Variants in NTAQ1 observed in about 807,000 individuals in gnomAD.
NTAQ1 encodes the protein N-terminal glutamine amidase 1.
Under a neutral mutation model 28.2 loss-of-function variants are expected in NTAQ1, and 21 were observed. The observed-to-expected ratio is 0.74, with a 90% confidence interval of 0.53 to 1.07. The LOEUF (loss-of-function observed/expected upper bound fraction) is 1.07. Ranked by LOEUF, NTAQ1 falls within the 50% of genes least tolerant of loss-of-function variation. The pLI is 0.00. For missense variants in NTAQ1, 264 were observed against 256.6 expected, an observed-to-expected ratio of 1.03 and a Z score of -0.20; for synonymous variants, 105 against 90.0, an observed-to-expected ratio of 1.17 and a Z score of -0.94.
chr8:123,440,040 T>C (rs777774405), intron 5 of NTAQ1, among the ~76,000 whole-genome samples: 1 of 142,940 alleles, frequency 7.0e-6, no homozygotes, highest in Non-Finnish European at 1.5e-5. Flanking sequence ...GAATTGACTC[T>C]TTTTTTTTTT....
intron 4 of NTAQ1, 63 bp downstream of exon 4, chr8:123,436,664 G>A (rs1814734517): frequency 3.3e-6 from 5 of 1,517,234 alleles, no homozygotes; most frequent in South Asian, 1.2e-5. Flanking sequence ...TTCCACAGAG[G>A]TTCTTTTTTT....
upstream of NTAQ1, chr8:123,416,754 G>T: frequency 2.6e-6 from 3 of 1,136,686 alleles, no homozygotes; most frequent in Non-Finnish European, 3.4e-6. Flanking sequence ...CCCACCCCAC[G>T]CCGGGAACCC....
At chr8:123,470,061 TATAAG>T (rs533514358), downstream of NTAQ1, among the ~76,000 whole-genome samples, 284 of 152,290 alleles carry the variant, frequency 1.9e-3, no homozygotes, top group Middle Eastern at 0.01. Flanking sequence ...TTAGTGGCCT[TATAAG>T]AAAAGAGACA....
At chr8:123,461,468 G>A (rs56115182) in intron 6 of NTAQ1, among the ~76,000 whole-genome samples, 6 of 152,122 alleles carry the variant, frequency 3.9e-5, no homozygotes, top group Admixed American at 2.0e-4. Flanking sequence ...TCTACACCCC[G>A]AGAGGTTATT....
chr8:123,419,195 C>T (rs1198820040), intron 1 of NTAQ1, among the ~76,000 whole-genome samples: 1 of 149,056 alleles, frequency 6.7e-6, no homozygotes, highest in African/African-American at 2.5e-5. Flanking sequence ...ACCTCCCAGG[C>T]TCAAGCCATT....
intron 6 of NTAQ1, among the ~76,000 whole-genome samples, chr8:123,453,679 G>A (rs1815569943): frequency 6.6e-6 from 1 of 152,082 alleles, no homozygotes; most frequent in Non-Finnish European, 1.5e-5. Flanking sequence ...GCCTGCTTTG[G>A]CCTCCCAAAG....
chr8:123,421,307 T>C (rs966054794), intron 1 of NTAQ1, among the ~76,000 whole-genome samples: 3 of 151,878 alleles, frequency 2.0e-5, no homozygotes, highest in African/African-American at 7.3e-5. Context: ...CTTGAACTTT[T>C]GGGCTCAAGC....
intron 6 of NTAQ1, among the ~76,000 whole-genome samples, chr8:123,453,403 C>T (rs1471561509): frequency 6.7e-6 from 1 of 148,550 alleles, no homozygotes; most frequent in Non-Finnish European, 1.5e-5. Flanking sequence ...TTTCATACAC[C>T]GAAAGGTGAA....
chr8:123,426,113 G>A (rs1814037717), intron 1 of NTAQ1, among the ~76,000 whole-genome samples: 1 of 152,182 alleles, frequency 6.6e-6, no homozygotes, highest in Non-Finnish European at 1.5e-5. Flanking sequence ...TTGAGCAAAG[G>A]TGCGTGTATC....
At position 123,436,596 on chromosome 8, in the gene NTAQ1, T is replaced by C; in HGVS notation, c.378T>C (p.Phe126=). 4 of 1,613,496 alleles carry C rather than the reference T, an allele frequency of 2.5e-6. No individual in the cohort carries two copies. The highest frequency in any genetic ancestry group is 3.4e-6 in the Non-Finnish European group (4 of 1,179,818). Residue 126 remains phenylalanine (F), a synonymous_variant, in exon 4 of 6, where the codon TTT becomes TTC. Transcript: ENST00000287387. ...CTGATGATGACATTCACCCACAGTT[T>C]AGGAGGTGAGGACATTCAAGATGGA... ...FKSDDDIHPQ[F]RRKFRVIRAD...
At chr8:123,432,532 G>A (rs1252580814) in intron 3 of NTAQ1, among the ~76,000 whole-genome samples, 1 of 151,848 alleles carries the variant, frequency 6.6e-6, no homozygotes, top group East Asian at 2.0e-4. Flanking sequence ...CTACTTGGGT[G>A]CCTGAGGCAG....
intron 1 of NTAQ1, among the ~76,000 whole-genome samples, chr8:123,419,079 G>T (rs1563878481): frequency 8.1e-6 from 1 of 123,948 alleles, no homozygotes; most frequent in Non-Finnish European, 1.6e-5. Context: ...GCAGCTTTGG[G>T]GGTTTTTTTT....
At chr8:123,459,865 G>A (rs911517094) in intron 6 of NTAQ1, among the ~76,000 whole-genome samples, 5 of 142,206 alleles carry the variant, frequency 3.5e-5, no homozygotes, top group Non-Finnish European at 7.5e-5. Flanking sequence ...GCAATGGCAC[G>A]ATCTCAGCTC....
At chr8:123,416,741 C>G, upstream of NTAQ1, 2 of 1,127,128 alleles carry the variant, frequency 1.8e-6, no homozygotes, top group Non-Finnish European at 2.4e-6. Context: ...CCCCCGGGCT[C>G]CGCCCACCCC....
intron 1 of NTAQ1, among the ~76,000 whole-genome samples, chr8:123,417,907 G>A (rs1319535600): frequency 6.6e-6 from 1 of 152,112 alleles, no homozygotes; most frequent in Admixed American, 6.5e-5. Flanking sequence ...AAGTGGTGGT[G>A]CTGAAACTGG....
At chr8:123,462,665 G>A (rs1487013643) in intron 6 of NTAQ1, among the ~76,000 whole-genome samples, 1 of 152,074 alleles carries the variant, frequency 6.6e-6, no homozygotes, top group African/African-American at 2.4e-5. Flanking sequence ...ATTACGAAGC[G>A]GACACTCAAA....
rs568564038 is a variant in NTAQ1 at position 123,431,748 on chromosome 8, T to A, written c.234+1715T>A. On this transcript the variant is annotated intron_variant, in intron 3 of 5. Transcript: ENST00000287387. ...TTATTTACCCTCTGTCTTCAGTGTC[T>A]CCCCCTGGTCAGTGGGGTCGTGAGG... Among the ~76,000 whole-genome samples the A allele has an allele frequency of 2.0e-5, 3 of 152,270 alleles. No individual in the cohort carries two copies. The South Asian group carries it at 6.2e-4, about 32-fold the overall frequency.
chr8:123,469,909 CAT>C (rs1563910392), exon 7 of NTAQ1, among the ~76,000 whole-genome samples: 6 of 152,136 alleles, frequency 3.9e-5, no homozygotes. Flanking sequence ...TTTGGGGAGA[CAT>C]GTTATGGACT....
At chr8:123,421,248 T>C (rs530829165) in intron 1 of NTAQ1, among the ~76,000 whole-genome samples, 1 of 143,234 alleles carries the variant, frequency 7.0e-6, no homozygotes, top group Non-Finnish European at 1.5e-5. Context: ...GCCCAGCTAA[T>C]TTTTATATTT....
Sources: allele counts gnomAD v4.1 joint callset (sites outside exome capture counted in the v4.1 genomes callset), GRCh38; gene constraint gnomAD v4.1.1; transcripts MANE v1.5; gene names NCBI Gene and HGNC (gene_info 2026-07-23, HGNC 2026-07-21).